Variants in RASGEF1A observed in about 807,000 individuals in gnomAD.
RASGEF1A encodes RasGEF domain family member 1A.
RASGEF1A carries 18 observed loss-of-function variants against 56.4 expected under a neutral mutation model. The observed-to-expected ratio is 0.32, with a 90% CI of 0.22 to 0.47. The LOEUF is 0.47. Ranked by LOEUF, RASGEF1A falls within the 20% of genes least tolerant of loss-of-function variation. RASGEF1A has a pLI of 1.00. For synonymous variants in RASGEF1A, 245 were observed against 242.6 expected (o/e 1.01, Z -0.09); for missense variants, 422 against 627.1 (o/e 0.67, Z 3.49).
At chr10:43,250,846 G>A (rs1347942458) in intron 1 of RASGEF1A, among the ~76,000 whole-genome samples, 1 of 152,234 alleles carries the variant, frequency 6.6e-6, no homozygotes, top group African/African-American at 2.4e-5. Context: ...TGGAGGCTTG[G>A]GAGTGGTGGT....
chr10:43,255,954 C>T (rs1365967306), intron 1 of RASGEF1A, among the ~76,000 whole-genome samples: 1 of 152,186 alleles, frequency 6.6e-6, no homozygotes, highest in African/African-American at 2.4e-5. Context: ...CTCCTTCCTC[C>T]CCTGGTTGCC....
intron 1 of RASGEF1A, among the ~76,000 whole-genome samples, chr10:43,263,236 G>A (rs1006648744): frequency 5.9e-5 from 9 of 152,050 alleles, no homozygotes; most frequent in Admixed American, 1.3e-4. Flanking sequence ...ACCAGGGGCC[G>A]GCCAAGCCCA....
chr10:43,247,405 C>T (rs1840578409), intron 1 of RASGEF1A, among the ~76,000 whole-genome samples: 1 of 152,190 alleles, frequency 6.6e-6, no homozygotes, highest in African/African-American at 2.4e-5. Flanking sequence ...AATTCCGCTC[C>T]TTGTATTCCA....
chr10:43,212,699 C>T (rs1181603214), intron 1 of RASGEF1A, among the ~76,000 whole-genome samples: 6 of 152,240 alleles, frequency 3.9e-5, no homozygotes. Context: ...GGGCTCTGCT[C>T]AGCCTGGGTG....
intron 3 of RASGEF1A, chr10:43,202,746 C>A (rs1588928554): frequency 1.5e-5 from 7 of 467,362 alleles, no homozygotes; most frequent in South Asian, 1.1e-4. Flanking sequence ...GCCTAGGCCC[C>A]CCACCACCCG....
At chr10:43,229,565 G>A in intron 1 of RASGEF1A, 3 of 1,308,168 alleles carry the variant, frequency 2.3e-6, no homozygotes, top group Non-Finnish European at 3.1e-6. Flanking sequence ...GGGGACCGTC[G>A]CACCCCTCCC....
At chr10:43,229,538 G>A in intron 1 of RASGEF1A, 2 of 1,070,284 alleles carry the variant, frequency 1.9e-6, no homozygotes, top group Admixed American at 2.7e-5. Context: ...GCACCCTCCC[G>A]CACGGGTCGG....
At chr10:43,207,374 C>T (rs1840010272) in intron 1 of RASGEF1A, 1 of 986,874 alleles carries the variant, frequency 1.0e-6, no homozygotes, top group Non-Finnish European at 1.2e-6. Context: ...GGACCACCTG[C>T]CCACACCCCC....
At chr10:43,213,669 C>T (rs1324307268) in intron 1 of RASGEF1A, among the ~76,000 whole-genome samples, 2 of 152,202 alleles carry the variant, frequency 1.3e-5, no homozygotes, top group East Asian at 3.9e-4. Context: ...CTCTGTGGCC[C>T]AGGCTGGAGT....
chr10:43,211,389 A>G (rs1462758233), intron 1 of RASGEF1A, among the ~76,000 whole-genome samples: 1 of 152,294 alleles, frequency 6.6e-6, no homozygotes, highest in Non-Finnish European at 1.5e-5. Context: ...GCACAGCCTC[A>G]GCAGCACTGT....
chr10:43,266,931 A>C lies in RASGEF1A; in HGVS notation c.-93T>G, dbSNP rs1836636050. 6.9e-6 allele frequency: 1 copy of C among 144,560 alleles called. No homozygotes were observed. Among genetic ancestry groups the C allele is most frequent in the Non-Finnish European group, 1.5e-5 (1 of 65,336 alleles). The allele number at this position is 144,560 out of a possible 1,614,324, so 9.0% of individuals were successfully genotyped here. A position where few individuals can be genotyped will look rare whatever the true frequency, so the allele number is the denominator to read the frequency against. ...GCGCGGCCGGCGCCGGCGGCGGCTC[A>C]TGCTCGGCGCCCGGGCCCGCGGCAC... On this transcript the variant is annotated 5_prime_UTR_variant, in exon 1 of 13. The change abolishes an upstream ATG in the 5' untranslated region. Coordinates refer to ENST00000395810, the MANE Select transcript of RASGEF1A (RefSeq NM_145313.4).
intron 1 of RASGEF1A, among the ~76,000 whole-genome samples, chr10:43,232,188 C>T (rs1169901666): frequency 3.3e-5 from 5 of 152,198 alleles, no homozygotes; most frequent in South Asian, 4.1e-4. Flanking sequence ...AGGTTGGAGG[C>T]GATTGGATCA....
chr10:43,246,170 T>C (rs1840565483), intron 1 of RASGEF1A, among the ~76,000 whole-genome samples: 1 of 152,140 alleles, frequency 6.6e-6, no homozygotes, highest in South Asian at 2.1e-4. Context: ...CAATTCGTAA[T>C]AGCATCAAAG....
Position 43,215,259 on chromosome 10 carries a change from C to T in RASGEF1A, c.-6-9137G>A, listed in dbSNP as rs111748970. ...GGTGGAGGAGGGGTTCGAGCCAGCC[C>T]CCTGCCTCTGCCAGCCTTGGCAGGG... On this transcript the variant is annotated intron_variant, in intron 1 of 12. Transcript: ENST00000395810. Among the ~76,000 whole-genome samples the T allele has an allele frequency of 3.2e-4, 49 of 152,298 alleles. 4 individuals carry two copies. Among genetic ancestry groups the T allele is most frequent in the African/African-American group, 1.2e-3 (49 of 41,574 alleles).
intron 1 of RASGEF1A, among the ~76,000 whole-genome samples, chr10:43,240,766 G>C (rs528505200): frequency 3.9e-5 from 6 of 152,136 alleles, no homozygotes; most frequent in Non-Finnish European, 8.8e-5. Context: ...CTCAGAAAAA[G>C]AGGAGAGTGA....
At chr10:43,211,215 C>T (rs950496704) in intron 1 of RASGEF1A, among the ~76,000 whole-genome samples, 1 of 152,200 alleles carries the variant, frequency 6.6e-6, no homozygotes, top group Non-Finnish European at 1.5e-5. Context: ...GTCCCAGGGG[C>T]CCAGCCTGCT....
At chr10:43,244,494 C>T (rs1013510394) in intron 1 of RASGEF1A, among the ~76,000 whole-genome samples, 2 of 151,110 alleles carry the variant, frequency 1.3e-5, no homozygotes, top group Non-Finnish European at 3.0e-5. Context: ...AACAACAGAA[C>T]ACATACTCTT....
intron 1 of RASGEF1A, among the ~76,000 whole-genome samples, chr10:43,264,081 G>C (rs1227280809): frequency 6.6e-6 from 1 of 152,054 alleles, no homozygotes; most frequent in Non-Finnish European, 1.5e-5. Flanking sequence ...GACCCCGAGG[G>C]GCTTTCGGGC....
intron 3 of RASGEF1A, 129 bp downstream of exon 3, chr10:43,203,169 G>T: frequency 2.2e-6 from 1 of 461,148 alleles, no homozygotes; most frequent in Non-Finnish European, 3.4e-6. Flanking sequence ...GCCAGGCCAA[G>T]CCCCAACTCT....
Sources: allele counts gnomAD v4.1 joint callset (sites outside exome capture counted in the v4.1 genomes callset), GRCh38; gene constraint gnomAD v4.1.1; transcripts MANE v1.5; gene names NCBI Gene and HGNC (gene_info 2026-07-23, HGNC 2026-07-21).